Variants in CADM1 observed in about 807,000 individuals in gnomAD.
CADM1 encodes TSLC-1.
CADM1 carries 15 observed loss-of-function variants against 53.1 expected under a neutral mutation model. The ratio of observed to expected loss-of-function variants is 0.28; its 90% CI spans 0.19 to 0.44. The LOEUF is 0.44. Among genes scored for constraint, CADM1 ranks in the 20% least tolerant of loss-of-function variants. The pLI, the probability that CADM1 is intolerant of heterozygous loss-of-function variation, is 1.00. For missense variants in CADM1, 434 were observed against 611.3 expected, an observed-to-expected ratio of 0.71 and a Z score of 3.06; for synonymous variants, 281 against 243.0, an observed-to-expected ratio of 1.16 and a Z score of -1.45.
intron 9 of CADM1, among the ~76,000 whole-genome samples, chr11:115,195,962 T>G (rs1003839586): frequency 1.3e-5 from 2 of 152,200 alleles, no homozygotes; most frequent in African/African-American, 4.8e-5. Flanking sequence ...CTATCACTTT[T>G]CTATCCCTCT....
chr11:115,242,344 A>T lies in CADM1; in HGVS notation c.125-1924T>A, dbSNP rs143459939. 9.1e-4 allele frequency among the ~76,000 whole-genome samples: 139 copies of T among 152,108 alleles called. 1 individual carries two copies. The highest frequency in any genetic ancestry group is 3.1e-3 in the African/African-American group (129 of 41,530). The stretch of plus-strand genomic sequence containing the variant: ...AAGAGAAAAGGTGATCAGAAAAAAA[A>T]AAAAAAAAAAATGAACAGATGCTTA... On this transcript the variant is annotated intron_variant, in intron 1 of 11. Coordinates refer to ENST00000331581, the MANE Select transcript of CADM1 (RefSeq NM_001301043.2).
At chr11:115,277,838 A>C (rs1177468878) in intron 1 of CADM1, among the ~76,000 whole-genome samples, 1 of 152,208 alleles carries the variant, frequency 6.6e-6, no homozygotes, top group African/African-American at 2.4e-5. Context: ...AAAAAGAAGA[A>C]TATGAAGCCA....
intron 1 of CADM1, among the ~76,000 whole-genome samples, chr11:115,323,985 C>T (rs746311677): frequency 6.6e-6 from 1 of 151,540 alleles, no homozygotes; most frequent in Non-Finnish European, 1.5e-5. Context: ...GATAGCCATA[C>T]AAAGAACCCA....
Position 115,196,035 on chromosome 11 carries a change from G to C in CADM1, c.1111+2371C>G, listed in dbSNP as rs371866471. Among the ~76,000 whole-genome samples, 22 of 152,260 alleles carry C rather than the reference G, an allele frequency of 1.4e-4. No individual in the cohort carries two copies. The South Asian group carries it at 4.2e-3, about 29-fold the overall frequency. On this transcript the variant is annotated intron_variant, in intron 9 of 11. Transcript: ENST00000331581. ...AATACAATAAATCCCTTGGCTCTAGGTGTATTCTTCATGCACTGCTAGTCA... is the reference window on the plus strand; with the variant it reads ...AATACAATAAATCCCTTGGCTCTAGCTGTATTCTTCATGCACTGCTAGTCA...
At chr11:115,201,073 A>T (rs967209416) in intron 8 of CADM1, among the ~76,000 whole-genome samples, 13 of 152,280 alleles carry the variant, frequency 8.5e-5, no homozygotes, top group Non-Finnish European at 8.8e-5. Context: ...CATCAACTGC[A>T]CCCAAAAGGG....
intron 1 of CADM1, among the ~76,000 whole-genome samples, chr11:115,330,442 T>C (rs1016159095): frequency 5.9e-5 from 9 of 152,320 alleles, no homozygotes; most frequent in African/African-American, 1.9e-4. Flanking sequence ...TCATCTATAA[T>C]GTGTGATTTC....
chr11:115,279,290 C>G (rs1943525420), intron 1 of CADM1, among the ~76,000 whole-genome samples: 2 of 152,104 alleles, frequency 1.3e-5, no homozygotes, highest in Admixed American at 6.5e-5. Flanking sequence ...ATAGTCAATG[C>G]CTACCAATGG....
At chr11:115,284,908 T>G (rs1309052741) in intron 1 of CADM1, among the ~76,000 whole-genome samples, 1 of 152,232 alleles carries the variant, frequency 6.6e-6, no homozygotes, top group Non-Finnish European at 1.5e-5. Context: ...AAGTCTTTAC[T>G]TCCTAGTTAA....
intron 1 of CADM1, among the ~76,000 whole-genome samples, chr11:115,465,998 T>C (rs1948892164): frequency 6.6e-6 from 1 of 152,294 alleles, no homozygotes; most frequent in Middle Eastern, 3.4e-3. Context: ...TAATGGATTA[T>C]AAGACTCCAG....
intron 1 of CADM1, among the ~76,000 whole-genome samples, chr11:115,247,283 C>T (rs1481151473): frequency 6.6e-6 from 1 of 152,128 alleles, no homozygotes; most frequent in Non-Finnish European, 1.5e-5. Context: ...AACAAGGTTC[C>T]ACTTTTCAGT....
chr11:115,252,479 TTAAAA>T (rs1490583506), intron 1 of CADM1, among the ~76,000 whole-genome samples: 3 of 152,166 alleles, frequency 2.0e-5, no homozygotes, highest in African/African-American at 7.2e-5. Context: ...AGAGAGCAAA[TTAAAA>T]TATCTTTATC....
chr11:115,400,188 A>G (rs1947100743), intron 1 of CADM1, among the ~76,000 whole-genome samples: 1 of 152,130 alleles, frequency 6.6e-6, no homozygotes, highest in South Asian at 2.1e-4. Flanking sequence ...CAGACCAAAT[A>G]ATTACCAAGA....
chr11:115,251,226 T>A (rs569360206), intron 1 of CADM1, among the ~76,000 whole-genome samples: 54 of 152,336 alleles, frequency 3.5e-4, no homozygotes, highest in Non-Finnish European at 6.5e-4. Context: ...CTCAAGGGCA[T>A]TCATTAGTAT....
chr11:115,265,402 T>C (rs1399988708), intron 1 of CADM1, among the ~76,000 whole-genome samples: 3 of 152,202 alleles, frequency 2.0e-5, no homozygotes, highest in African/African-American at 7.2e-5. Context: ...ATACAGGCTA[T>C]GCCAAATCTG....
At chr11:115,210,091 G>A (rs1384494477) in intron 7 of CADM1, among the ~76,000 whole-genome samples, 1 of 152,186 alleles carries the variant, frequency 6.6e-6, no homozygotes, top group African/African-American at 2.4e-5. Context: ...CCAAGGATGA[G>A]CGTGCCCCTG....
chr11:115,198,439 C>T lies in CADM1; in HGVS notation c.1079-1G>A. On this transcript the variant is annotated splice_acceptor_variant, in intron 8 of 11. Coordinates refer to ENST00000331581, the MANE Select transcript of CADM1 (RefSeq NM_001301043.2). LOFTEE classifies it high-confidence loss of function. Reference sequence around the variant, plus strand: ...GCTGGTTCTGTCGTCGCCGTTGTGTCTACAGACGGGAACAGAGGATTGGAG... The same window carrying T: ...GCTGGTTCTGTCGTCGCCGTTGTGTTTACAGACGGGAACAGAGGATTGGAG... The T allele has an allele frequency of 6.3e-7, 1 of 1,595,394 alleles. No individual in the cohort carries two copies. The highest frequency in any genetic ancestry group is 8.5e-7 in the Non-Finnish European group (1 of 1,178,472).
chr11:115,396,322 T>A (rs1946995200), intron 1 of CADM1, among the ~76,000 whole-genome samples: 2 of 152,186 alleles, frequency 1.3e-5, no homozygotes, highest in Non-Finnish European at 2.9e-5. Flanking sequence ...AAATGGTGTA[T>A]CAATTTATGT....
At chr11:115,180,605 CA>C (rs979391076) in intron 10 of CADM1, among the ~76,000 whole-genome samples, 2 of 151,908 alleles carry the variant, frequency 1.3e-5, no homozygotes, top group African/African-American at 4.8e-5. Flanking sequence ...GTCATTTCAA[CA>C]AGGCAGAACT....
At chr11:115,189,007 T>A (rs1410550059) in intron 10 of CADM1, among the ~76,000 whole-genome samples, 2 of 152,134 alleles carry the variant, frequency 1.3e-5, no homozygotes, top group Non-Finnish European at 2.9e-5. Context: ...TGCTAATCAG[T>A]TTTTGATTAG....
Sources: gnomAD v4.1 joint callset for allele counts (sites outside exome capture counted in the v4.1 genomes callset) on GRCh38, gnomAD v4.1.1 for gene constraint, MANE v1.5 for transcripts, NCBI Gene and HGNC (gene_info 2026-07-23, HGNC 2026-07-21) for gene names.